The following DLG2 variants were observed in gnomAD, a reference collection of about 807,000 sequenced individuals.
DLG2 encodes discs large MAGUK scaffold protein 2.
Under a neutral mutation model 132.5 loss-of-function variants are expected in DLG2, and 45 were observed. The observed-to-expected ratio is 0.34, with a 90% confidence interval of 0.27 to 0.44. DLG2 has a LOEUF of 0.44. DLG2 is among the 20% of genes least tolerant of loss of function. The pLI is 1.00. For missense variants in DLG2, 1,045 were observed against 1,196.9 expected (o/e 0.87, Z 1.87); for synonymous variants, 424 against 419.6 (o/e 1.01, Z -0.13).
chr11:85,484,514 A>C (rs1216622890), intron 3 of DLG2, among the ~76,000 whole-genome samples: 2 of 151,310 alleles, frequency 1.3e-5, no homozygotes, highest in African/African-American at 2.4e-5. Context: ...AGAAAAAAAC[A>C]AACAACCCCA....
Position 85,321,096 on chromosome 11 carries a change from T to C in DLG2, c.41-35731A>G, listed in dbSNP as rs141319742. On this transcript the variant is annotated intron_variant, in intron 3 of 27. Coordinates refer to ENST00000376104, the MANE Select transcript of DLG2 (RefSeq NM_001142699.3). ...ATTGAGCACTCTAGGTAAGAGATGA[T>C]AGTGATTTGAATGAGGGTAATAATG... Among the ~76,000 whole-genome samples, 569 of 152,088 alleles carry C rather than the reference T, an allele frequency of 3.7e-3. 5 individuals are homozygous for C. The highest frequency in any genetic ancestry group is 6.7e-3 in the Non-Finnish European group (452 of 67,884).
chr11:84,859,488 A>G (rs577563853), intron 6 of DLG2, among the ~76,000 whole-genome samples: 6 of 147,844 alleles, frequency 4.1e-5, no homozygotes, highest in African/African-American at 1.5e-4. Flanking sequence ...TGGGTTGTAT[A>G]TATTTTATAT....
chr11:85,409,835 T>G (rs1241443666), intron 3 of DLG2, among the ~76,000 whole-genome samples: 1 of 151,916 alleles, frequency 6.6e-6, no homozygotes, highest in Non-Finnish European at 1.5e-5. Context: ...GAACAGTGTC[T>G]ACACTACATA....
chr11:84,790,144 T>A (rs2073589998), intron 6 of DLG2, among the ~76,000 whole-genome samples: 1 of 152,178 alleles, frequency 6.6e-6, no homozygotes, highest in African/African-American at 2.4e-5. Flanking sequence ...TATATTTAGT[T>A]TTTTTTAGGA....
intron 3 of DLG2, among the ~76,000 whole-genome samples, chr11:85,476,450 A>C (rs1216964563): frequency 6.6e-6 from 1 of 152,128 alleles, no homozygotes; most frequent in African/African-American, 2.4e-5. Context: ...TAATAAATTA[A>C]ACTTAGCTTA....
At chr11:83,703,728 G>C (rs2083381152) in intron 18 of DLG2, among the ~76,000 whole-genome samples, 1 of 152,106 alleles carries the variant, frequency 6.6e-6, no homozygotes, top group Non-Finnish European at 1.5e-5. Flanking sequence ...GAAAAGCTTT[G>C]GTTTTTAGAT....
intron 6 of DLG2, among the ~76,000 whole-genome samples, chr11:84,951,730 A>G (rs1467044516): frequency 2.6e-5 from 4 of 151,098 alleles, no homozygotes; most frequent in Non-Finnish European, 4.4e-5. Context: ...TAATATTTAT[A>G]GTGTTTTGTG....
chr11:83,708,605 G>A (rs2084620104), intron 18 of DLG2, among the ~76,000 whole-genome samples: 1 of 152,068 alleles, frequency 6.6e-6, no homozygotes, highest in African/African-American at 2.4e-5. Flanking sequence ...GTGTTTTATG[G>A]TCAAAAATTG....
intron 7 of DLG2, among the ~76,000 whole-genome samples, chr11:84,424,470 C>A (rs982130881): frequency 8.6e-5 from 13 of 151,862 alleles, no homozygotes; most frequent in African/African-American, 1.7e-4. Context: ...TAGGTAATAC[C>A]TGTTATTCAA....
rs530746750 is a variant in DLG2, at chr11:85,566,208, G to A, written c.40+32449C>T. Among the ~76,000 whole-genome samples, 6 of 152,066 alleles carry A rather than the reference G, an allele frequency of 3.9e-5. 1 individual carries two copies. In the South Asian group the frequency reaches 1.2e-3, roughly 32 times the overall value. On this transcript the variant is annotated intron_variant, in intron 3 of 27. Coordinates refer to ENST00000376104, the MANE Select transcript of DLG2 (RefSeq NM_001142699.3). ...TTTTTAATTGGGTTGTCTTTTTTAT[G>A]TTAATCCATAGAATTCTTTACATAT... is the stretch of plus-strand genomic sequence containing the variant.
chr11:84,149,126 T>C (rs1282319440), intron 9 of DLG2, among the ~76,000 whole-genome samples: 1 of 152,214 alleles, frequency 6.6e-6, no homozygotes, highest in Non-Finnish European at 1.5e-5. Context: ...ATTAGACCTT[T>C]GTAGATGTAT....
chr11:85,401,298 C>CA (rs1263063781), intron 3 of DLG2, among the ~76,000 whole-genome samples: 5 of 151,908 alleles, frequency 3.3e-5, no homozygotes, highest in African/African-American at 1.2e-4. Context: ...GCCTTTCATG[C>CA]AAAAAACTCT....
intron 25 of DLG2, 88 bp downstream of exon 25, chr11:83,469,113 A>G: frequency 1.0e-6 from 1 of 979,932 alleles, no homozygotes; most frequent in Admixed American, 2.6e-5. Flanking sequence ...TGCAATCAAG[A>G]AAGAGTAATG....
intron 3 of DLG2, among the ~76,000 whole-genome samples, chr11:85,307,107 A>G (rs553243201): frequency 6.6e-6 from 1 of 152,346 alleles, no homozygotes; most frequent in African/African-American, 2.4e-5. Flanking sequence ...GGCCATCCAC[A>G]CAGTATAACG....
chr11:84,376,484 C>G (rs1035298492), intron 7 of DLG2, among the ~76,000 whole-genome samples: 1 of 151,712 alleles, frequency 6.6e-6, no homozygotes, highest in African/African-American at 2.4e-5. Flanking sequence ...CTGAGAAATT[C>G]AATTTTGAAT....
chr11:85,213,580 C>T (rs1314479668), intron 4 of DLG2, among the ~76,000 whole-genome samples: 1 of 152,066 alleles, frequency 6.6e-6, no homozygotes, highest in African/African-American at 2.4e-5. Context: ...AGGTAGCAGG[C>T]TTCAAAAAGA....
intron 19 of DLG2, among the ~76,000 whole-genome samples, chr11:83,602,588 C>T (rs866996032): frequency 2.6e-5 from 4 of 152,208 alleles, no homozygotes; most frequent in Non-Finnish European, 5.9e-5. Context: ...GGGGCCTGGG[C>T]CCGGCAGACT....
intron 4 of DLG2, among the ~76,000 whole-genome samples, chr11:85,189,031 C>G (rs1298453380): frequency 6.6e-6 from 1 of 152,034 alleles, no homozygotes; most frequent in Non-Finnish European, 1.5e-5. Context: ...CAATATCCAT[C>G]TAAATACATC....
chr11:85,461,687 G>A (rs781433480), intron 3 of DLG2, among the ~76,000 whole-genome samples: 2 of 152,136 alleles, frequency 1.3e-5, no homozygotes, highest in Non-Finnish European at 2.9e-5. Context: ...CAAGCCACAT[G>A]CAGCAGCAAA....
Sources: gnomAD v4.1 joint callset for allele counts (sites outside exome capture counted in the v4.1 genomes callset) on GRCh38, gnomAD v4.1.1 for gene constraint, MANE v1.5 for transcripts, NCBI Gene and HGNC (gene_info 2026-07-23, HGNC 2026-07-21) for gene names.